Variants in CST7 observed in about 807,000 individuals in gnomAD.
The protein encoded by CST7 is cystatin F.
Under a neutral mutation model 13.1 loss-of-function variants are expected in CST7, and 15 were observed. The ratio of observed to expected loss-of-function variants is 1.14; its 90% CI spans 0.77 to 1.76. CST7 has a LOEUF of 1.76. Ranked by LOEUF, CST7 falls within the 40% of genes most tolerant of loss-of-function variation. The pLI, the probability that CST7 is intolerant of heterozygous loss-of-function variation, is 0.00. For synonymous variants in CST7, 75 were observed against 66.9 expected (o/e 1.12, Z -0.59); for missense variants, 193 against 178.8 (o/e 1.08, Z -0.45).
At chr20:24,958,642 C>T (rs1450215356) in intron 2 of CST7, among the ~76,000 whole-genome samples, 1 of 152,172 alleles carries the variant, frequency 6.6e-6, no homozygotes, top group African/African-American at 2.4e-5. Context: ...GCGGGCCCAG[C>T]AGGGCATGCA....
intron 1 of CST7, among the ~76,000 whole-genome samples, chr20:24,953,616 C>G (rs1233880194): frequency 6.6e-6 from 1 of 152,132 alleles, no homozygotes; most frequent in Non-Finnish European, 1.5e-5. Flanking sequence ...CTGCCCGCCC[C>G]TGCCTCACCT....
In CST7 at chr20:24,957,408, G is replaced by A. The variant is rs900164043; in HGVS notation, c.192G>A (p.Thr64=). 89 of 1,613,606 alleles carry A rather than the reference G, an allele frequency of 5.5e-5. No individual in the cohort carries two copies. The highest frequency in any genetic ancestry group is 5.2e-4 in the South Asian group (47 of 91,072). Residue 64 remains threonine (T), a synonymous_variant, in exon 2 of 4, where the codon ACG becomes ACA. Coordinates refer to ENST00000480798, the MANE Select transcript of CST7 (RefSeq NM_003650.4). ...GTGTTGAAAAGTTCAACAACTGCAC[G>A]AACGACATGTTCTTGTTCAAGGAGT... ...RYSVEKFNNC[T]NDMFLFKESR... is the part of the protein sequence containing the mutation.
At chr20:24,950,446 C>T (rs2087812041) in intron 1 of CST7, among the ~76,000 whole-genome samples, 1 of 152,218 alleles carries the variant, frequency 6.6e-6, no homozygotes, top group Non-Finnish European at 1.5e-5. Flanking sequence ...CTCACCTCCT[C>T]CTGGTGAGTC....
intron 3 of CST7, among the ~76,000 whole-genome samples, 167 bp downstream of exon 3, chr20:24,959,211 A>G (rs1350945155): frequency 6.6e-6 from 1 of 152,202 alleles, no homozygotes; most frequent in East Asian, 1.9e-4. Flanking sequence ...CCGGGAGAAC[A>G]GGAGGTAGAG....
chr20:24,950,362 C>T (rs999527806), intron 1 of CST7, among the ~76,000 whole-genome samples: 1 of 152,184 alleles, frequency 6.6e-6, no homozygotes, highest in African/African-American at 2.4e-5. Context: ...CCAAAGGGGC[C>T]CAGGTGGGGG....
At chr20:24,957,229 C>G in intron 1 of CST7, 58 bp from the exon 2 acceptor site, 1 of 1,559,304 alleles carries the variant, frequency 6.4e-7, no homozygotes, top group Non-Finnish European at 8.7e-7. Flanking sequence ...AGGCGTGACA[C>G]CTGGACTGAA....
In CST7 at chr20:24,957,324, AG is replaced by A. The variant is rs771880660; in HGVS notation, c.110del (p.Gly37AspfsTer6). ...SQDLNSRVKP[G>X]FPKTIKTNDP... ...AGGACCTTAACTCACGTGTGAAGCC[AG>A]GATTTCCTAAAACAATAAAGACCAA... On this transcript the variant is annotated frameshift_variant, in exon 2 of 4. Transcript: ENST00000480798. LOFTEE classifies it high-confidence loss of function. 7 of 1,613,564 alleles carry A rather than the reference AG, an allele frequency of 4.3e-6. No homozygotes were observed. The highest frequency in any genetic ancestry group is 5.9e-6 in the Non-Finnish European group (7 of 1,179,748).
At chr20:24,953,060 C>G (rs2087830381) in intron 1 of CST7, among the ~76,000 whole-genome samples, 13 of 152,206 alleles carry the variant, frequency 8.5e-5, no homozygotes, top group Admixed American at 6.5e-4. Context: ...CAGCAGCTGT[C>G]AGAAACTGCA....
chr20:24,953,308 T>C (rs573630254), intron 1 of CST7, among the ~76,000 whole-genome samples: 1 of 152,184 alleles, frequency 6.6e-6, no homozygotes, highest in South Asian at 2.1e-4. Context: ...GGCCCGGGTT[T>C]TTAAGGGTTC....
chr20:24,958,506 G>A (rs2087873399), intron 2 of CST7, among the ~76,000 whole-genome samples: 1 of 152,188 alleles, frequency 6.6e-6, no homozygotes, highest in Admixed American at 6.5e-5. Context: ...TATCCAAGTG[G>A]AGAAGGGCTG....
At chr20:24,951,896 C>G (rs2087821627) in intron 1 of CST7, among the ~76,000 whole-genome samples, 1 of 152,242 alleles carries the variant, frequency 6.6e-6, no homozygotes, top group Admixed American at 6.5e-5. Flanking sequence ...CCTCTGCCCC[C>G]TCCACTCTAG....
chr20:24,957,496 C>T lies in CST7; in HGVS notation c.243+37C>T, dbSNP rs1159366398. Reference sequence around the variant, plus strand: ...GGTTCTGGTCACATATCACGGACACCCCTAGGAAGCCGAGCTGCTACAACG... The same window carrying T: ...GGTTCTGGTCACATATCACGGACACTCCTAGGAAGCCGAGCTGCTACAACG... On this transcript the variant is annotated intron_variant, in intron 2 of 3. Coordinates refer to ENST00000480798, the MANE Select transcript of CST7 (RefSeq NM_003650.4). 45 of 1,595,344 alleles carry T rather than the reference C, an allele frequency of 2.8e-5. No individual in the cohort carries two copies. In the Admixed American group the frequency reaches 6.6e-4, roughly 23 times the overall value.
chr20:24,959,128 C>A, intron 3 of CST7, 84 bp downstream of exon 3: 1 of 1,095,438 alleles, frequency 9.1e-7, no homozygotes, highest in South Asian at 1.3e-5. Context: ...ACCGTCACCA[C>A]GTCTCTAACG....
At chr20:24,956,090 C>A (rs1282539887) in intron 1 of CST7, among the ~76,000 whole-genome samples, 1 of 152,196 alleles carries the variant, frequency 6.6e-6, no homozygotes, top group Non-Finnish European at 1.5e-5. Flanking sequence ...AATCCCAAGG[C>A]CACAGAACTT....
intron 1 of CST7, among the ~76,000 whole-genome samples, chr20:24,953,455 G>C (rs997268876): frequency 1.4e-4 from 22 of 152,092 alleles, no homozygotes; most frequent in Admixed American, 1.2e-3. Flanking sequence ...AAAACATCTT[G>C]GGCCAGCAGC....
intron 1 of CST7, among the ~76,000 whole-genome samples, chr20:24,956,937 C>T (rs952182978): frequency 8.8e-6 from 1 of 113,204 alleles, no homozygotes; most frequent in Admixed American, 9.8e-5. Context: ...CCCCTGGCAC[C>T]TGGTCCTCAG....
At chr20:24,952,292 T>C (rs1225314170) in intron 1 of CST7, among the ~76,000 whole-genome samples, 1 of 152,232 alleles carries the variant, frequency 6.6e-6, no homozygotes, top group Non-Finnish European at 1.5e-5. Flanking sequence ...TTAGGCAGCT[T>C]GCCTGAGATC....
Position 24,958,740 on chromosome 20 carries a change from G to C in CST7, c.244-188G>C, listed in dbSNP as rs78385602. 4.1e-3 allele frequency among the ~76,000 whole-genome samples: 617 copies of C among 152,262 alleles called. 4 individuals are homozygous for C. The highest frequency in any genetic ancestry group is 0.014 in the African/African-American group (601 of 41,556). On this transcript the variant is annotated intron_variant, in intron 2 of 3. Coordinates refer to ENST00000480798, the MANE Select transcript of CST7 (RefSeq NM_003650.4). ...CAGGAAGGGGCACAAACCCAGCACG[G>C]GGCAGGGAGGGGAGTGGGAGGGGTC...
chr20:24,955,606 T>C (rs938908617), intron 1 of CST7, among the ~76,000 whole-genome samples: 3 of 152,104 alleles, frequency 2.0e-5, no homozygotes, highest in Admixed American at 6.5e-5. Flanking sequence ...CCCGCCACCA[T>C]GTCCAGCTAA....
Sources: gnomAD v4.1 joint callset for allele counts (sites outside exome capture counted in the v4.1 genomes callset) on GRCh38, gnomAD v4.1.1 for gene constraint, MANE v1.5 for transcripts, NCBI Gene and HGNC (gene_info 2026-07-23, HGNC 2026-07-21) for gene names.